PLA2G4A: variants seen among roughly 807,000 people sequenced by gnomAD.
PLA2G4A encodes phospholipase A2 group IVA.
A neutral mutation model predicts 81.9 loss-of-function variants in PLA2G4A; 40 were observed. The observed-to-expected ratio is 0.49, with a 90% confidence interval of 0.38 to 0.64. The LOEUF (loss-of-function observed/expected upper bound fraction) is 0.64, where lower values mean the gene tolerates loss of function less well. Ranked by LOEUF, PLA2G4A falls within the 30% of genes least tolerant of loss-of-function variation. The pLI is 0.00. For missense variants in PLA2G4A, 715 were observed against 905.1 expected (o/e 0.79, Z 2.69); for synonymous variants, 302 against 296.9 (o/e 1.02, Z -0.18).
At chr1:186,881,763 C>T (rs985887849) in intron 3 of PLA2G4A, among the ~76,000 whole-genome samples, 4 of 152,010 alleles carry the variant, frequency 2.6e-5, no homozygotes, top group Admixed American at 2.0e-4. Flanking sequence ...AGGGTTGAGA[C>T]CTATTACCAA....
chr1:186,856,121 G>A (rs879585198), intron 2 of PLA2G4A, among the ~76,000 whole-genome samples: 5 of 151,758 alleles, frequency 3.3e-5, no homozygotes, highest in Admixed American at 3.3e-4. Context: ...CAAAATTGCT[G>A]GGATTTTGGT....
chr1:186,837,722 G>C (rs1195656046), intron 1 of PLA2G4A, among the ~76,000 whole-genome samples: 2 of 108,460 alleles, frequency 1.8e-5, no homozygotes, highest in Non-Finnish European at 3.4e-5. Flanking sequence ...GGGCGACAGA[G>C]AGAGACTCCG....
chr1:186,893,049 A>G lies in PLA2G4A; in HGVS notation c.154A>G (p.Thr52Ala), dbSNP rs1558408308. 1 of 1,609,272 alleles carries G rather than the reference A, an allele frequency of 6.2e-7. No homozygotes were observed. The change falls in exon 4 of 18, where the codon ACA becomes GCA. Residue 52 changes from threonine (T) to alanine (A), a missense_variant. Transcript: ENST00000367466. ...PDPYVELFISTTPDSRKRTRH... is the reference protein window; with the variant it reads ...PDPYVELFISATPDSRKRTRH... ...TCCCTATGTGGAACTTTTTATCTCT[A>G]CAACCCCTGACAGCAGGAAGAGAAC... is the stretch of plus-strand genomic sequence containing the variant.
chr1:186,966,790 C>T (rs544488783), intron 15 of PLA2G4A, among the ~76,000 whole-genome samples: 13 of 152,224 alleles, frequency 8.5e-5, no homozygotes, highest in Admixed American at 2.0e-4. Context: ...TCAGTCAATT[C>T]GTCTAATACA....
At chr1:186,946,530 AC>A (rs879270152) in intron 10 of PLA2G4A, 106 bp from the exon 11 acceptor site, 3 of 838,308 alleles carry the variant, frequency 3.6e-6, no homozygotes, top group Non-Finnish European at 6.1e-6. Flanking sequence ...TATTTTAAAT[AC>A]ATGAATGAGA....
intron 2 of PLA2G4A, among the ~76,000 whole-genome samples, chr1:186,861,263 T>C (rs974476337): frequency 6.6e-6 from 1 of 152,108 alleles, no homozygotes; most frequent in African/African-American, 2.4e-5. Flanking sequence ...AGATTTTACT[T>C]TGAAACAGGA....
chr1:186,884,738 G>A (rs752535259), intron 3 of PLA2G4A, among the ~76,000 whole-genome samples: 1 of 151,900 alleles, frequency 6.6e-6, no homozygotes, highest in Non-Finnish European at 1.5e-5. Context: ...AATTAGCTGA[G>A]CATGATGGTG....
chr1:186,888,819 GT>G (rs1020702335), intron 3 of PLA2G4A, among the ~76,000 whole-genome samples: 3 of 134,770 alleles, frequency 2.2e-5, no homozygotes, highest in African/African-American at 8.5e-5. Context: ...GCTTGGCTTT[GT>G]TTTTTTTCTA....
intron 7 of PLA2G4A, among the ~76,000 whole-genome samples, chr1:186,912,849 G>A (rs1655011261): frequency 6.9e-6 from 1 of 144,110 alleles, no homozygotes; most frequent in East Asian, 2.0e-4. Flanking sequence ...GTATGTATTT[G>A]TATATAATAT....
chr1:186,900,041 T>G (rs931160120), intron 5 of PLA2G4A, among the ~76,000 whole-genome samples: 2 of 152,158 alleles, frequency 1.3e-5, no homozygotes, highest in African/African-American at 4.8e-5. Flanking sequence ...GAAAGACAAT[T>G]TTAGGGCTGC....
chr1:186,927,684 A>T (rs1294793482), intron 7 of PLA2G4A, among the ~76,000 whole-genome samples: 1 of 152,212 alleles, frequency 6.6e-6, no homozygotes, highest in Non-Finnish European at 1.5e-5. Flanking sequence ...TAGAAGTAAA[A>T]TATGGACCTT....
intron 3 of PLA2G4A, among the ~76,000 whole-genome samples, chr1:186,890,412 C>T (rs192781996): frequency 2.1e-4 from 32 of 152,304 alleles, no homozygotes; most frequent in Non-Finnish European, 5.9e-5. Context: ...GTGATCAATA[C>T]TTGCACAGTT....
intron 1 of PLA2G4A, among the ~76,000 whole-genome samples, chr1:186,836,815 A>G (rs1345756407): frequency 6.6e-6 from 1 of 152,244 alleles, no homozygotes; most frequent in Admixed American, 6.5e-5. Context: ...GAGACAGATA[A>G]TAAGTATACA....
intron 15 of PLA2G4A, among the ~76,000 whole-genome samples, chr1:186,973,887 A>G (rs1046176516): frequency 6.6e-6 from 1 of 152,144 alleles, no homozygotes; most frequent in Non-Finnish European, 1.5e-5. Context: ...AGGTTTACCT[A>G]CATGCTTATA....
intron 1 of PLA2G4A, among the ~76,000 whole-genome samples, chr1:186,842,945 G>A (rs1471371241): frequency 1.3e-5 from 2 of 152,150 alleles, no homozygotes; most frequent in Admixed American, 6.5e-5. Context: ...CAGAAACTCT[G>A]CCTGTGCTTC....
chr1:186,842,407 C>T lies in PLA2G4A; in HGVS notation c.-69-11879C>T, dbSNP rs115667786. Among the ~76,000 whole-genome samples the T allele has an allele frequency of 1.8e-3, 275 of 152,206 alleles. 1 individual carries two copies. Among genetic ancestry groups the T allele is most frequent in the African/African-American group, 6.4e-3 (267 of 41,530 alleles). ...GATTTTCTCCCTCCCTCCTACAGCACCACTTTTCTCCACTAACAATTGTAT... is the reference window on the plus strand; with the variant it reads ...GATTTTCTCCCTCCCTCCTACAGCATCACTTTTCTCCACTAACAATTGTAT... On this transcript the variant is annotated intron_variant, in intron 1 of 17. Transcript: ENST00000367466.
At chr1:186,832,630 T>C (rs554921316) in intron 1 of PLA2G4A, among the ~76,000 whole-genome samples, 2 of 152,334 alleles carry the variant, frequency 1.3e-5, no homozygotes, top group Admixed American at 1.3e-4. Flanking sequence ...AAATTTACAT[T>C]TCTTTGTTGA....
intron 6 of PLA2G4A, among the ~76,000 whole-genome samples, chr1:186,910,087 TATTA>T (rs1230227225): frequency 6.6e-6 from 1 of 152,152 alleles, no homozygotes; most frequent in East Asian, 1.9e-4. Context: ...ACTTTTTTGT[TATTA>T]ATTCTGCTTT....
intron 10 of PLA2G4A, among the ~76,000 whole-genome samples, chr1:186,942,069 A>G (rs1656173341): frequency 1.3e-5 from 2 of 152,206 alleles, no homozygotes; most frequent in African/African-American, 4.8e-5. Flanking sequence ...GGATTTGAAT[A>G]TGAAAGGCAC....
Sources: gnomAD v4.1 joint callset for allele counts (sites outside exome capture counted in the v4.1 genomes callset) on GRCh38, gnomAD v4.1.1 for gene constraint, MANE v1.5 for transcripts, NCBI Gene and HGNC (gene_info 2026-07-23, HGNC 2026-07-21) for gene names.